TRHDE: variants seen among roughly 807,000 people sequenced by gnomAD.
TRHDE encodes the protein thyrotropin-releasing hormone-degrading ectoenzyme.
TRHDE carries 72 observed loss-of-function variants against 125.7 expected under a neutral mutation model. That is an observed-to-expected ratio of 0.57 (90% CI 0.47 to 0.70). The LOEUF (loss-of-function observed/expected upper bound fraction) is 0.70, where lower values mean the gene tolerates loss of function less well. TRHDE is among the 30% of genes least tolerant of loss of function. The pLI, the probability that TRHDE is intolerant of heterozygous loss-of-function variation, is 0.00. For missense variants in TRHDE, 1,110 were observed against 1,327.1 expected, an observed-to-expected ratio of 0.84 and a Z score of 2.54; for synonymous variants, 509 against 509.1, an observed-to-expected ratio of 1.00 and a Z score of 0.00.
chr12:72,465,043 G>T (rs1876303366), intron 3 of TRHDE, among the ~76,000 whole-genome samples: 1 of 152,026 alleles, frequency 6.6e-6, no homozygotes, highest in South Asian at 2.1e-4. Context: ...TGAAACATTT[G>T]AATTTTCTTC....
At chr12:72,164,675 A>G (rs1479295230) in intron 2 of TRHDE, among the ~76,000 whole-genome samples, 1 of 152,228 alleles carries the variant, frequency 6.6e-6, no homozygotes, top group Admixed American at 6.5e-5. Flanking sequence ...TGATGACAGA[A>G]TGGGCAGGAA....
At chr12:72,437,190 A>G (rs928928661) in intron 3 of TRHDE, among the ~76,000 whole-genome samples, 2 of 151,828 alleles carry the variant, frequency 1.3e-5, no homozygotes, top group Non-Finnish European at 2.9e-5. Context: ...CTTCTTATTA[A>G]TTTGGGTTTT....
At chr12:72,333,369 G>A (rs1321256638) in intron 2 of TRHDE, among the ~76,000 whole-genome samples, 1 of 152,236 alleles carries the variant, frequency 6.6e-6, no homozygotes, top group East Asian at 1.9e-4. Flanking sequence ...AAGGTTGTCT[G>A]AATTGGAAAA....
chr12:72,296,236 T>C (rs1880295217), intron 2 of TRHDE, among the ~76,000 whole-genome samples: 1 of 152,240 alleles, frequency 6.6e-6, no homozygotes, highest in African/African-American at 2.4e-5. Flanking sequence ...GCTAGGTTAA[T>C]ATGTGGAGCC....
At chr12:72,110,529 T>C (rs1361124248) in intron 2 of TRHDE, among the ~76,000 whole-genome samples, 1 of 152,134 alleles carries the variant, frequency 6.6e-6, no homozygotes, top group African/African-American at 2.4e-5. Flanking sequence ...TGTGAATTTC[T>C]TTGTTATTCA....
intron 1 of TRHDE, among the ~76,000 whole-genome samples, chr12:72,093,441 G>A (rs144904539): frequency 0.013 from 1,969 of 152,050 alleles, 33 homozygotes; most frequent in Middle Eastern, 0.044. Flanking sequence ...TTTCCTGCTG[G>A]AACTCCCAAA....
intron 2 of TRHDE, among the ~76,000 whole-genome samples, chr12:72,151,411 TTGTC>T (rs1876362041): frequency 6.6e-6 from 1 of 152,226 alleles, no homozygotes; most frequent in Non-Finnish European, 1.5e-5. Context: ...TAGATCCCAT[TTGTC>T]AATTTTGGCT....
At chr12:72,205,053 A>G (rs1877636200) in intron 2 of TRHDE, among the ~76,000 whole-genome samples, 1 of 152,232 alleles carries the variant, frequency 6.6e-6, no homozygotes, top group Non-Finnish European at 1.5e-5. Flanking sequence ...CAGATAATGG[A>G]AAAGATGTTA....
intron 3 of TRHDE, among the ~76,000 whole-genome samples, chr12:72,411,220 A>T (rs1158371242): frequency 1.3e-5 from 2 of 151,620 alleles, no homozygotes; most frequent in African/African-American, 4.8e-5. Flanking sequence ...AAAAAAAAAA[A>T]ACCATACAAA....
intron 2 of TRHDE, among the ~76,000 whole-genome samples, chr12:72,202,603 G>T (rs1877581957): frequency 6.6e-6 from 1 of 152,084 alleles, no homozygotes; most frequent in African/African-American, 2.4e-5. Context: ...ACATTAAAAT[G>T]AATTTCTTTT....
chr12:72,298,579 G>A (rs1486202709), intron 2 of TRHDE, among the ~76,000 whole-genome samples: 1 of 152,102 alleles, frequency 6.6e-6, no homozygotes, highest in Non-Finnish European at 1.5e-5. Flanking sequence ...AGAATGTTGT[G>A]TAATACTGAG....
chr12:72,455,615 A>G (rs1875805509), intron 3 of TRHDE, among the ~76,000 whole-genome samples: 2 of 152,134 alleles, frequency 1.3e-5, no homozygotes, highest in Non-Finnish European at 2.9e-5. Flanking sequence ...AATTACATTA[A>G]ATATGAAAAC....
intron 2 of TRHDE, among the ~76,000 whole-genome samples, chr12:72,324,819 C>T (rs917060253): frequency 2.0e-5 from 3 of 152,264 alleles, no homozygotes; most frequent in Non-Finnish European, 2.9e-5. Context: ...AGGCCTATGA[C>T]ACCATCTTTA....
At chr12:72,224,186 CTATCTA>C in intron 2 of TRHDE, among the ~76,000 whole-genome samples, 1 of 141,270 alleles carries the variant, frequency 7.1e-6, no homozygotes, top group East Asian at 2.0e-4. Context: ...ATCTATCTAT[CTATCTA>C]TCTATCTATC....
At chr12:72,552,159 A>G (rs943812957) in intron 7 of TRHDE, among the ~76,000 whole-genome samples, 1 of 152,146 alleles carries the variant, frequency 6.6e-6, no homozygotes, top group African/African-American at 2.4e-5. Context: ...ACATGGCTCT[A>G]TTTACATACA....
intron 5 of TRHDE, among the ~76,000 whole-genome samples, chr12:72,497,382 T>A (rs542212401): frequency 6.6e-6 from 1 of 152,140 alleles, no homozygotes; most frequent in Admixed American, 6.6e-5. Flanking sequence ...AAGGTATGTT[T>A]AGTAAATTTT....
intron 3 of TRHDE, among the ~76,000 whole-genome samples, chr12:72,406,255 T>C (rs2135808460): frequency 6.6e-6 from 1 of 152,264 alleles, no homozygotes; most frequent in Non-Finnish European, 1.5e-5. Flanking sequence ...GAAGTAGAAC[T>C]TTTGATTTAT....
At chr12:72,468,856 A>T (rs1055586646) in intron 3 of TRHDE, among the ~76,000 whole-genome samples, 37 of 152,202 alleles carry the variant, frequency 2.4e-4, no homozygotes, top group African/African-American at 8.7e-4. Context: ...GTCCAGGGAG[A>T]GGTTTATTTT....
chr12:72,296,095 C>T (rs1462730393), intron 2 of TRHDE, among the ~76,000 whole-genome samples: 1 of 152,104 alleles, frequency 6.6e-6, no homozygotes, highest in African/African-American at 2.4e-5. Context: ...AGGTAGGCAC[C>T]ATCTTTGTAA....
Sources: allele counts gnomAD v4.1 joint callset (sites outside exome capture counted in the v4.1 genomes callset), GRCh38; gene constraint gnomAD v4.1.1; transcripts MANE v1.5; gene names NCBI Gene and HGNC (gene_info 2026-07-23, HGNC 2026-07-21).